The following RBFOX1 variants were observed in gnomAD, a reference collection of about 807,000 sequenced individuals.
RBFOX1 encodes RNA binding fox-1 homolog 1, also known as RNA binding protein fox-1 homolog 1.
A neutral mutation model predicts 57.7 loss-of-function variants in RBFOX1; 8 were observed. The ratio of observed to expected loss-of-function variants is 0.14; its 90% CI spans 0.08 to 0.25. The LOEUF is 0.25. Among genes scored for constraint, RBFOX1 ranks in the 10% least tolerant of loss-of-function variants. The pLI is 1.00. For synonymous variants in RBFOX1, 326 were observed against 222.4 expected, an observed-to-expected ratio of 1.47 and a Z score of -4.15; for missense variants, 611 against 548.5, an observed-to-expected ratio of 1.11 and a Z score of -1.14.
At chr16:7,330,939 T>C (rs1296727824) in intron 4 of RBFOX1, among the ~76,000 whole-genome samples, 3 of 152,140 alleles carry the variant, frequency 2.0e-5, no homozygotes, top group African/African-American at 7.2e-5. Flanking sequence ...CGTCAAAAGC[T>C]AAAGTTAGAA....
At chr16:5,387,530 A>C (rs974944894) in intron 1 of RBFOX1, among the ~76,000 whole-genome samples, 1 of 152,224 alleles carries the variant, frequency 6.6e-6, no homozygotes, top group South Asian at 2.1e-4. Flanking sequence ...TGATGTGATG[A>C]AAAGACTGCC....
At chr16:5,877,679 C>T (rs1881468734) in intron 4 of RBFOX1, among the ~76,000 whole-genome samples, 1 of 152,192 alleles carries the variant, frequency 6.6e-6, no homozygotes, top group Non-Finnish European at 1.5e-5. Context: ...GCAGGGCTAC[C>T]CTGAAGGGAG....
intron 4 of RBFOX1, among the ~76,000 whole-genome samples, chr16:7,190,502 T>C (rs1249335055): frequency 6.6e-6 from 1 of 152,156 alleles, no homozygotes; most frequent in Non-Finnish European, 1.5e-5. Context: ...ATTTTTTTTT[T>C]CTTTCCTGAG....
chr16:6,793,631 C>G (rs1325691521), intron 3 of RBFOX1, among the ~76,000 whole-genome samples: 1 of 151,854 alleles, frequency 6.6e-6, no homozygotes, highest in Non-Finnish European at 1.5e-5. Flanking sequence ...TACTGTTAAG[C>G]AAAAAAAGAA....
intron 3 of RBFOX1, among the ~76,000 whole-genome samples, chr16:5,679,347 A>T (rs553372935): frequency 0.029 from 4,216 of 144,670 alleles, 151 homozygotes; most frequent in African/African-American, 0.097. Context: ...TTTTTTTTTT[A>T]AAAAACAATT....
intron 4 of RBFOX1, among the ~76,000 whole-genome samples, chr16:7,160,994 T>G (rs1388770243): frequency 6.6e-6 from 1 of 152,232 alleles, no homozygotes; most frequent in Non-Finnish European, 1.5e-5. Context: ...AAGCTAACCC[T>G]TTATTTTCTC....
intron 1 of RBFOX1, among the ~76,000 whole-genome samples, chr16:5,318,745 A>T (rs191899001): frequency 6.6e-6 from 1 of 152,312 alleles, no homozygotes; most frequent in Admixed American, 6.5e-5. Context: ...ACTGCTCTAA[A>T]GGGATTTGCA....
intron 1 of RBFOX1, chr16:5,365,943 G>C: frequency 2.0e-6 from 1 of 493,988 alleles, no homozygotes; most frequent in Non-Finnish European, 4.0e-6. Context: ...GGTCAGTTTA[G>C]GGGCTGGTGT....
chr16:5,616,571 C>CT (rs1467273127), intron 3 of RBFOX1, among the ~76,000 whole-genome samples: 2 of 150,114 alleles, frequency 1.3e-5, no homozygotes, highest in Non-Finnish European at 3.0e-5. Context: ...CTCCTCTTCC[C>CT]TCTCCCTTCT....
chr16:6,324,189 T>C (rs2082123765), intron 2 of RBFOX1, among the ~76,000 whole-genome samples: 1 of 146,558 alleles, frequency 6.8e-6, no homozygotes, highest in Admixed American at 6.8e-5. Flanking sequence ...TGCTCTGTGT[T>C]CACAGGTACA....
intron 3 of RBFOX1, among the ~76,000 whole-genome samples, chr16:6,763,552 C>T (rs949236784): frequency 6.6e-6 from 1 of 152,162 alleles, no homozygotes; most frequent in Non-Finnish European, 1.5e-5. Flanking sequence ...ATGAGTTTTG[C>T]TTGGGGTTAT....
At chr16:5,967,003 G>GGT (rs1555458296) in intron 4 of RBFOX1, among the ~76,000 whole-genome samples, 1 of 100,552 alleles carries the variant, frequency 9.9e-6, no homozygotes, top group Non-Finnish European at 2.1e-5. Context: ...GGGGGGGGGG[G>GGT]GTCAATAAAT....
At chr16:7,614,349 TCCTCC>T (rs1264837897) in intron 10 of RBFOX1, 1 of 152,136 alleles carries the variant, frequency 6.6e-6, no homozygotes, top group African/African-American at 2.4e-5. Context: ...TTCTCTCCTC[TCCTCC>T]CCTCTTCTGT....
At chr16:6,632,894 G>C (rs1360582039) in intron 2 of RBFOX1, among the ~76,000 whole-genome samples, 1 of 152,172 alleles carries the variant, frequency 6.6e-6, no homozygotes, top group Non-Finnish European at 1.5e-5. Context: ...TGAGCTCTCA[G>C]ACAGGATGCT....
chr16:6,963,196 G>A (rs890651833), intron 3 of RBFOX1, among the ~76,000 whole-genome samples: 16 of 151,912 alleles, frequency 1.1e-4, no homozygotes, highest in Admixed American at 2.6e-4. Context: ...TTCGGAGTCC[G>A]TCATGCCATA....
intron 4 of RBFOX1, among the ~76,000 whole-genome samples, chr16:7,220,846 C>A (rs1041252519): frequency 6.6e-6 from 1 of 152,084 alleles, no homozygotes; most frequent in Admixed American, 6.5e-5. Flanking sequence ...TCTATCCACC[C>A]TTAACATCCC....
chr16:7,090,341 T>C (rs373255649), intron 4 of RBFOX1, among the ~76,000 whole-genome samples: 1 of 152,220 alleles, frequency 6.6e-6, no homozygotes, highest in African/African-American at 2.4e-5. Context: ...AGTATGTTTT[T>C]ACTAAGATGG....
chr16:7,701,806 T>G lies in RBFOX1; in HGVS notation c.996-7250T>G, dbSNP rs565516636. The stretch of plus-strand genomic sequence containing the variant: ...ACAGATCTGAAGTCCAGAACTCAGT[T>G]GACCCTTGTAGAGTGAAAGTGAACA... On this transcript the variant is annotated intron_variant, in intron 14 of 15. Transcript: ENST00000550418. Among the ~76,000 whole-genome samples the G allele has an allele frequency of 9.2e-5, 14 of 152,342 alleles. No homozygotes were observed. The South Asian group carries it at 2.9e-3, about 32-fold the overall frequency.
chr16:5,826,424 G>T lies in RBFOX1; in HGVS notation c.319-40879G>T, dbSNP rs141957945. On this transcript the variant is annotated intron_variant, in intron 3 of 19. Transcript: ENST00000641259. Reference sequence around the variant, plus strand: ...TTGAAAGTCTTTTATGCCAGGAGGTGGCAAACTATTTCTGAAAAAGGCCAG... The same window carrying T: ...TTGAAAGTCTTTTATGCCAGGAGGTTGCAAACTATTTCTGAAAAAGGCCAG... 4.7e-3 allele frequency among the ~76,000 whole-genome samples: 718 copies of T among 152,178 alleles called. 12 individuals carry two copies. Among genetic ancestry groups the T allele is most frequent in the African/African-American group, 0.016 (683 of 41,530 alleles).
Sources: allele counts gnomAD v4.1 joint callset (sites outside exome capture counted in the v4.1 genomes callset), GRCh38; gene constraint gnomAD v4.1.1; transcripts MANE v1.5; gene names NCBI Gene and HGNC (gene_info 2026-07-23, HGNC 2026-07-21).